SMC6: variants seen among roughly 807,000 people sequenced by gnomAD.
SMC6 encodes structural maintenance of chromosomes protein 6.
Under a neutral mutation model 142.2 loss-of-function variants are expected in SMC6, and 79 were observed. That is an observed-to-expected ratio of 0.56 (90% confidence interval 0.46 to 0.67). The LOEUF (loss-of-function observed/expected upper bound fraction) is 0.67, where lower values mean the gene tolerates loss of function less well. Ranked by LOEUF, SMC6 falls within the 30% of genes least tolerant of loss-of-function variation. The pLI is 0.00. For synonymous variants in SMC6, 411 were observed against 412.4 expected (o/e 1.00, Z 0.04); for missense variants, 1,072 against 1,284.0 (o/e 0.83, Z 2.52).
intron 18 of SMC6, among the ~76,000 whole-genome samples, chr2:17,704,175 C>T (rs755962813): frequency 1.1e-4 from 16 of 151,500 alleles, no homozygotes; most frequent in Non-Finnish European, 1.9e-4. Context: ...CATAGTACTA[C>T]AGGAGCATAA....
intron 19 of SMC6, among the ~76,000 whole-genome samples, chr2:17,702,768 T>C (rs950675373): frequency 6.6e-6 from 1 of 152,162 alleles, no homozygotes; most frequent in African/African-American, 2.4e-5. Context: ...CCCCTTTTGC[T>C]TGGCTCTCTT....
At position 17,707,201 on chromosome 2, in the gene SMC6, G is replaced by T; in HGVS notation, c.2006+18C>A. On this transcript the variant is annotated intron_variant, in intron 18 of 27. Coordinates refer to ENST00000448223, the MANE Select transcript of SMC6 (RefSeq NM_001142286.2). ...GAAGCAGTGGGAATGATACAGTAAA[G>T]CTAAACTTGACTCTAACCTTATTTC... is the stretch of plus-strand genomic sequence containing the variant. 1.3e-6 allele frequency: 2 copies of T among 1,518,724 alleles called. No homozygotes were observed. The highest frequency in any genetic ancestry group is 1.8e-6 in the Non-Finnish European group (2 of 1,133,758). The allele number at this position is 1,518,724 out of a possible 1,614,324, so 94.1% of individuals were successfully genotyped here. A position where few individuals can be genotyped will look rare whatever the true frequency, so the allele number is the denominator to read the frequency against.
chr2:17,727,669 T>A (rs889865206), intron 7 of SMC6, among the ~76,000 whole-genome samples: 2 of 152,122 alleles, frequency 1.3e-5, no homozygotes, highest in African/African-American at 4.8e-5. Flanking sequence ...AGATTCAGGG[T>A]CATTACTCAA....
chr2:17,670,501 G>GGAGAA lies in SMC6; in HGVS notation c.2980_2984dup (p.Thr996SerfsTer39). On this transcript the variant is annotated frameshift_variant, in exon 26 of 28. Coordinates refer to ENST00000448223, the MANE Select transcript of SMC6 (RefSeq NM_001142286.2). LOFTEE classifies it high-confidence loss of function. Reference sequence around the variant, plus strand: ...ACAGGGAAAGAATAAAACACACTGTGGAGAAAGAACGTTCACCTCCAGACA... The same window carrying GGAGAA: ...ACAGGGAAAGAATAAAACACACTGTGGAGAAGAGAAAGAACGTTCACCTCCAGACA... The GGAGAA allele has an allele frequency of 2.5e-6, 4 of 1,608,880 alleles. No homozygotes were observed. Among genetic ancestry groups the GGAGAA allele is most frequent in the Non-Finnish European group, 3.4e-6 (4 of 1,178,560 alleles).
chr2:17,711,046 G>T (rs1668802251), intron 16 of SMC6, among the ~76,000 whole-genome samples: 1 of 152,160 alleles, frequency 6.6e-6, no homozygotes, highest in African/African-American at 2.4e-5. Flanking sequence ...GAGTCTAAGA[G>T]GGGAGGACGT....
At chr2:17,668,812 C>G (rs1011823456) in intron 26 of SMC6, among the ~76,000 whole-genome samples, 3 of 152,108 alleles carry the variant, frequency 2.0e-5, no homozygotes, top group African/African-American at 7.2e-5. Flanking sequence ...CTGAAAAAAG[C>G]AGGCAGGTAC....
At position 17,697,139 on chromosome 2, in the gene SMC6, AAG is replaced by A. The variant is rs1289318714; in HGVS notation, c.2395-715_2395-714del. On this transcript the variant is annotated intron_variant, in intron 21 of 27. Coordinates refer to ENST00000448223, the MANE Select transcript of SMC6 (RefSeq NM_001142286.2). The stretch of plus-strand genomic sequence containing the variant: ...ATGAAATATAGAATGCTTTCTTTCT[AAG>A]AACAAGAGCAAGGTAAGGACTTCCA... 3.9e-5 allele frequency among the ~76,000 whole-genome samples: 6 copies of A among 152,234 alleles called. No individual in the cohort carries two copies. The East Asian group carries it at 7.7e-4, about 20-fold the overall frequency.
intron 7 of SMC6, among the ~76,000 whole-genome samples, chr2:17,727,315 G>A (rs1475311378): frequency 6.6e-6 from 1 of 152,140 alleles, no homozygotes; most frequent in African/African-American, 2.4e-5. Context: ...CGGAAAAAAC[G>A]TGAAAAGACT....
At chr2:17,681,779 GAA>G (rs369336519) in intron 24 of SMC6, 21 of 152,190 alleles carry the variant, frequency 1.4e-4, no homozygotes, top group African/African-American at 5.1e-4. Context: ...TAATAATAAT[GAA>G]AAAGTCTGAA....
intron 3 of SMC6, among the ~76,000 whole-genome samples, chr2:17,744,712 T>C (rs554327549): frequency 6.6e-6 from 1 of 152,280 alleles, no homozygotes; most frequent in African/African-American, 2.4e-5. Flanking sequence ...TAGCTGTCAG[T>C]TTTTTTGTGA....
intron 7 of SMC6, among the ~76,000 whole-genome samples, chr2:17,728,208 G>A (rs150578283): frequency 2.4e-3 from 366 of 152,324 alleles, no homozygotes; most frequent in African/African-American, 7.3e-3. Context: ...GGCTGAGGCA[G>A]GTGGACTGCT....
chr2:17,705,772 C>T (rs1373527817), intron 18 of SMC6, among the ~76,000 whole-genome samples: 1 of 152,146 alleles, frequency 6.6e-6, no homozygotes, highest in Non-Finnish European at 1.5e-5. Context: ...AATTCCTATA[C>T]ATTTTCATAC....
chr2:17,714,969 T>C lies in SMC6; in HGVS notation c.1622A>G (p.Asp541Gly). ...CATGAGTGCCTGAAGGACCCTTTCA[T>C]CAGCATGATTATGGCAACAATAGGC... ...LQAYCCHNHA[D>G]ERVLQALMKR... is the part of the protein sequence containing the mutation. The change falls in exon 16 of 28, where the codon GAT becomes GGT. Residue 541 changes from aspartate to glycine, a missense_variant. Coordinates refer to ENST00000448223, the MANE Select transcript of SMC6 (RefSeq NM_001142286.2). 6.2e-7 allele frequency: 1 copy of C among 1,614,044 alleles called. No individual in the cohort carries two copies. Among genetic ancestry groups the C allele is most frequent in the Non-Finnish European group, 8.5e-7 (1 of 1,179,952 alleles).
chr2:17,723,948 T>A (rs1426150235), intron 9 of SMC6, among the ~76,000 whole-genome samples: 2 of 152,194 alleles, frequency 1.3e-5, no homozygotes. Flanking sequence ...TGAGTGCATA[T>A]TATGCATCAG....
intron 24 of SMC6, chr2:17,679,234 C>T (rs1466510269): frequency 6.5e-6 from 2 of 307,514 alleles, no homozygotes; most frequent in South Asian, 5.4e-5. Flanking sequence ...TAATATAACC[C>T]ATTATACCAC....
At chr2:17,691,361 TGTGTGTA>T (rs1422745314) in intron 23 of SMC6, among the ~76,000 whole-genome samples, 1 of 147,156 alleles carries the variant, frequency 6.8e-6, no homozygotes, top group African/African-American at 2.5e-5. Flanking sequence ...TGTGTGTGTG[TGTGTGTA>T]TACACATTTT....
At chr2:17,694,073 T>C (rs1000079880) in intron 23 of SMC6, among the ~76,000 whole-genome samples, 1 of 151,322 alleles carries the variant, frequency 6.6e-6, no homozygotes, top group African/African-American at 2.4e-5. Context: ...TGGAGGTCAT[T>C]GTATTAAGTG....
chr2:17,676,248 T>C (rs1409378075), intron 25 of SMC6, among the ~76,000 whole-genome samples: 1 of 152,178 alleles, frequency 6.6e-6, no homozygotes, highest in Non-Finnish European at 1.5e-5. Flanking sequence ...TGGATCTGTT[T>C]TGTCCATTTT....
intron 24 of SMC6, among the ~76,000 whole-genome samples, chr2:17,682,668 G>A (rs758246882): frequency 1.3e-5 from 2 of 151,990 alleles, no homozygotes; most frequent in Non-Finnish European, 2.9e-5. Flanking sequence ...ACAAGGTATC[G>A]GTAGAGTACT....
Sources: gnomAD v4.1 joint callset for allele counts (sites outside exome capture counted in the v4.1 genomes callset) on GRCh38, gnomAD v4.1.1 for gene constraint, MANE v1.5 for transcripts, NCBI Gene and HGNC (gene_info 2026-07-23, HGNC 2026-07-21) for gene names.